The following LRMDA variants were observed in gnomAD, a reference collection of about 807,000 sequenced individuals.
The protein encoded by LRMDA is leucine rich melanocyte differentiation associated.
LRMDA carries 18 observed loss-of-function variants against 29.8 expected under a neutral mutation model. The observed-to-expected ratio is 0.60, with a 90% CI of 0.42 to 0.90. The LOEUF (loss-of-function observed/expected upper bound fraction) is 0.90, where lower values mean the gene tolerates loss of function less well. Ranked by LOEUF, LRMDA falls within the 40% of genes least tolerant of loss-of-function variation. The pLI is 0.00. For synonymous variants in LRMDA, 125 were observed against 109.4 expected, an observed-to-expected ratio of 1.14 and a Z score of -0.89; for missense variants, 273 against 273.9, an observed-to-expected ratio of 1.00 and a Z score of 0.02.
chr10:75,481,281 A>T (rs1322425254), intron 2 of LRMDA, among the ~76,000 whole-genome samples: 2 of 152,106 alleles, frequency 1.3e-5, no homozygotes, highest in Admixed American at 6.5e-5. Flanking sequence ...TGAACTGAGG[A>T]TGAGCAACTG....
At chr10:76,485,055 C>T (rs1032620448) in intron 6 of LRMDA, among the ~76,000 whole-genome samples, 40 of 151,770 alleles carry the variant, frequency 2.6e-4, no homozygotes, top group African/African-American at 9.4e-4. Flanking sequence ...CTATAGACCA[C>T]ATGTAATTGG....
chr10:76,539,053 A>G (rs1219374692), intron 6 of LRMDA, among the ~76,000 whole-genome samples: 1 of 152,104 alleles, frequency 6.6e-6, no homozygotes, highest in East Asian at 1.9e-4. Context: ...GTCTATTTTT[A>G]TAATAGCGTC....
intron 2 of LRMDA, among the ~76,000 whole-genome samples, chr10:75,544,462 A>G (rs573212403): frequency 6.6e-6 from 1 of 152,278 alleles, no homozygotes; most frequent in South Asian, 2.1e-4. Flanking sequence ...ATCTACTGGA[A>G]AAAACCTTCA....
chr10:75,733,458 T>C (rs200568271), intron 2 of LRMDA, among the ~76,000 whole-genome samples: 1 of 152,256 alleles, frequency 6.6e-6, no homozygotes, highest in East Asian at 1.9e-4. Context: ...GTTCTCCTTC[T>C]GTAAACATGC....
intron 5 of LRMDA, among the ~76,000 whole-genome samples, chr10:76,198,592 C>G (rs371715848): frequency 6.6e-6 from 1 of 152,142 alleles, no homozygotes; most frequent in African/African-American, 2.4e-5. Context: ...GTCTTTGCAT[C>G]GCCCTATTCT....
At chr10:76,346,546 A>T in intron 6 of LRMDA, 1 of 152,222 alleles carries the variant, frequency 6.6e-6, no homozygotes, top group East Asian at 1.9e-4. Context: ...ATGGAGAAAA[A>T]TATAGAGGTA....
intron 5 of LRMDA, among the ~76,000 whole-genome samples, chr10:76,294,702 T>TAA (rs1840391157): frequency 6.6e-6 from 1 of 152,230 alleles, no homozygotes; most frequent in Admixed American, 6.5e-5. Flanking sequence ...AATAGGATTG[T>TAA]AAGTTAGAAG....
At chr10:76,219,180 T>C (rs921208823) in intron 5 of LRMDA, among the ~76,000 whole-genome samples, 6 of 152,076 alleles carry the variant, frequency 3.9e-5, no homozygotes, top group Non-Finnish European at 5.9e-5. Context: ...GTAAAGACCA[T>C]CGAGGCTAGG....
chr10:76,142,672 A>G (rs1850225524), intron 5 of LRMDA, among the ~76,000 whole-genome samples: 1 of 123,978 alleles, frequency 8.1e-6, no homozygotes, highest in Admixed American at 8.5e-5. Context: ...GATGGTCATT[A>G]TGTTATTATC....
At chr10:76,182,893 A>G (rs931728979) in intron 5 of LRMDA, among the ~76,000 whole-genome samples, 10 of 152,196 alleles carry the variant, frequency 6.6e-5, no homozygotes, top group Admixed American at 6.5e-4. Context: ...GAGCAGCATC[A>G]AGGGTAGTCA....
At chr10:76,008,385 G>A (rs949741454) in intron 2 of LRMDA, among the ~76,000 whole-genome samples, 1 of 152,130 alleles carries the variant, frequency 6.6e-6, no homozygotes, top group African/African-American at 2.4e-5. Context: ...TTTTAAAGCC[G>A]CAGCAGTTTA....
At chr10:75,683,805 A>G (rs1842052071) in intron 2 of LRMDA, among the ~76,000 whole-genome samples, 1 of 152,168 alleles carries the variant, frequency 6.6e-6, no homozygotes. Flanking sequence ...AAAGATTATT[A>G]CACACCTACT....
chr10:76,308,827 T>TTGGGAGTTAGGAAAGTCAGTGTGCGGC (rs1840593254), intron 5 of LRMDA, among the ~76,000 whole-genome samples: 1 of 152,178 alleles, frequency 6.6e-6, no homozygotes, highest in African/African-American at 2.4e-5. Flanking sequence ...GACATATATG[T>TTGGGAGTTAGGAAAGTCAGTGTGCGGC]TGGGAGTTAG....
intron 5 of LRMDA, among the ~76,000 whole-genome samples, chr10:76,190,473 T>A (rs555891706): frequency 1.3e-5 from 2 of 152,302 alleles, no homozygotes; most frequent in East Asian, 3.9e-4. Context: ...TAAATCTTCA[T>A]GTTTTGATTT....
chr10:75,749,029 AT>A (rs1251918269), intron 2 of LRMDA, among the ~76,000 whole-genome samples: 2 of 151,894 alleles, frequency 1.3e-5, no homozygotes, highest in South Asian at 2.1e-4. Flanking sequence ...TTATATGTGG[AT>A]TTTTTTTCCA....
chr10:75,643,596 T>C (rs575536289), intron 2 of LRMDA, among the ~76,000 whole-genome samples: 2 of 152,324 alleles, frequency 1.3e-5, no homozygotes, highest in African/African-American at 4.8e-5. Flanking sequence ...GGCATATTGC[T>C]GTGAGATGTG....
intron 6 of LRMDA, among the ~76,000 whole-genome samples, chr10:76,403,765 C>A (rs1166532153): frequency 6.6e-6 from 1 of 152,120 alleles, no homozygotes; most frequent in African/African-American, 2.4e-5. Context: ...AGAACTCTCT[C>A]TGTGTGGCAA....
At chr10:76,542,999 G>C (rs989190741) in intron 6 of LRMDA, among the ~76,000 whole-genome samples, 8 of 152,112 alleles carry the variant, frequency 5.3e-5, no homozygotes, top group African/African-American at 1.9e-4. Context: ...TGCCTGAGAC[G>C]GGAAGATTAT....
chr10:76,259,547 G>A (rs1230171602), intron 5 of LRMDA, among the ~76,000 whole-genome samples: 1 of 152,044 alleles, frequency 6.6e-6, no homozygotes, highest in Non-Finnish European at 1.5e-5. Context: ...GTAGCTGTTG[G>A]CTGAAATGTT....
Sources: allele counts gnomAD v4.1 joint callset (sites outside exome capture counted in the v4.1 genomes callset), GRCh38; gene constraint gnomAD v4.1.1; transcripts MANE v1.5; gene names NCBI Gene and HGNC (gene_info 2026-07-23, HGNC 2026-07-21).